The following BCL2L1 variants were observed in gnomAD, a reference collection of about 807,000 sequenced individuals.
BCL2L1 encodes bcl-2-like protein 1.
In BCL2L1, 1 loss-of-function variant was observed where a neutral mutation model predicts 18.7. The observed-to-expected ratio is 0.05, with a 90% confidence interval of 0.02 to 0.25. The LOEUF is 0.25. BCL2L1 is among the 10% of genes least tolerant of loss of function. The pLI is 1.00. For missense variants in BCL2L1, 207 were observed against 304.9 expected (o/e 0.68, Z 2.39); for synonymous variants, 103 against 122.7 (o/e 0.84, Z 1.06).
In BCL2L1 at chr20:31,720,571, T is replaced by C. The variant is rs905717035; in HGVS notation, c.564+1084A>G. ...CCACCATCTCATCCTGGCTCAGTGA[T>C]GGGCAGGAGAACTCTCCCTCCCTGG... On this transcript the variant is annotated intron_variant, in intron 2 of 2. Transcript: ENST00000307677. 4.1e-6 allele frequency: 4 copies of C among 985,322 alleles called. No homozygotes were observed. In the African/African-American group the frequency reaches 5.2e-5, roughly 13 times the overall value. The allele number at this position is 985,322 out of a possible 1,614,324, so 61.0% of individuals were successfully genotyped here. A position where few individuals can be genotyped will look rare whatever the true frequency, so the allele number is the denominator to read the frequency against.
At position 31,691,152 on chromosome 20, in the gene BCL2L1, C is replaced by CAAA. The variant is rs539012918; in HGVS notation, c.565-25069_565-25067dup. ...TGGGCAACAGGGCGAGACTCTGTCT[C>CAAA]AAAAAAAAAAAAAAAAAAAAAAAAA... On this transcript the variant is annotated intron_variant, in intron 2 of 2. Transcript: ENST00000307677. Among the ~76,000 whole-genome samples the CAAA allele has an allele frequency of 4.8e-4, 12 of 24,838 alleles. 2 individuals carry two copies. The highest frequency in any genetic ancestry group is 8.6e-4 in the Admixed American group (1 of 1,158). The allele number at this position is 24,838 out of a possible 152,430, so 16.3% of individuals were successfully genotyped here.
At position 31,664,499 on chromosome 20, in the gene BCL2L1, C is replaced by A. The variant is rs527346866; in HGVS notation, c.*1450G>T. Reference sequence around the variant, plus strand: ...AGTTTATTACTGAACTGCACTTTCACCTTCACACAGACTATTTCAAAGAGC... The same window carrying A: ...AGTTTATTACTGAACTGCACTTTCAACTTCACACAGACTATTTCAAAGAGC... On this transcript the variant is annotated 3_prime_UTR_variant, in exon 3 of 3. Coordinates refer to ENST00000307677, the MANE Select transcript of BCL2L1 (RefSeq NM_138578.3). 1.5e-4 allele frequency: 27 copies of A among 181,896 alleles called. No homozygotes were observed. Among genetic ancestry groups the A allele is most frequent in the African/African-American group, 6.3e-4 (27 of 42,526 alleles). 11.3% of individuals were successfully genotyped at this position (181,896 alleles called of 1,614,324 possible).
chr20:31,705,386 TA>T (rs995448840), intron 2 of BCL2L1, among the ~76,000 whole-genome samples: 2 of 152,118 alleles, frequency 1.3e-5, no homozygotes, highest in African/African-American at 4.8e-5. Flanking sequence ...ATTTTTCAGA[TA>T]GGGGGACTGA....
At chr20:31,709,752 G>A (rs546916122) in intron 2 of BCL2L1, among the ~76,000 whole-genome samples, 4 of 148,356 alleles carry the variant, frequency 2.7e-5, no homozygotes, top group East Asian at 4.2e-4. Context: ...GGAGAATGGC[G>A]TCAACCTGGG....
chr20:31,683,534 C>T (rs922451461), intron 2 of BCL2L1, among the ~76,000 whole-genome samples: 1 of 152,070 alleles, frequency 6.6e-6, no homozygotes, highest in Admixed American at 6.6e-5. Flanking sequence ...TCTGGGAGAA[C>T]GAGGCAGGTG....
rs754323913 is a variant in BCL2L1 at position 31,721,766 on chromosome 20, G to A, written c.453C>T (p.Cys151=). The A allele has an allele frequency of 2.7e-5, 43 of 1,614,018 alleles. No homozygotes were observed. Among genetic ancestry groups the A allele is most frequent in the East Asian group, 2.2e-4 (10 of 44,868 alleles). The change falls in exon 2 of 3, where the codon TGC becomes TGT. Residue 151 remains cysteine (C), a synonymous_variant. Transcript: ENST00000307677. The stretch of plus-strand genomic sequence containing the variant: ...GCATCTCCTTGTCTACGCTTTCCAC[G>A]CACAGTGCCCCGCCGAAGGAGAAAA... The part of the protein sequence containing the change: ...VAFFSFGGAL[C]VESVDKEMQV...
chr20:31,709,683 A>C (rs945953373), intron 2 of BCL2L1, among the ~76,000 whole-genome samples: 1 of 151,642 alleles, frequency 6.6e-6, no homozygotes, highest in Non-Finnish European at 1.5e-5. Context: ...AATACAAAAA[A>C]AATTAGCCGG....
chr20:31,687,066 C>T (rs1342478722), intron 2 of BCL2L1, among the ~76,000 whole-genome samples: 1 of 152,128 alleles, frequency 6.6e-6, no homozygotes, highest in Non-Finnish European at 1.5e-5. Flanking sequence ...ACCTGTAATC[C>T]CAGAACTTTG....
At chr20:31,697,026 G>A (rs1460280775) in intron 2 of BCL2L1, among the ~76,000 whole-genome samples, 3 of 148,796 alleles carry the variant, frequency 2.0e-5, no homozygotes, top group Non-Finnish European at 3.0e-5. Flanking sequence ...ACTCCAGCCT[G>A]GGCAACAGAG....
intron 2 of BCL2L1, among the ~76,000 whole-genome samples, chr20:31,706,702 A>T (rs2061373426): frequency 6.6e-6 from 1 of 152,236 alleles, no homozygotes. Flanking sequence ...TATTGCTTCT[A>T]CTCAAAAAAT....
At chr20:31,704,924 T>C (rs777425441) in intron 2 of BCL2L1, among the ~76,000 whole-genome samples, 8 of 152,236 alleles carry the variant, frequency 5.3e-5, no homozygotes, top group Non-Finnish European at 7.3e-5. Flanking sequence ...TTATGAGTAT[T>C]ATGTTGGTCT....
intron 2 of BCL2L1, among the ~76,000 whole-genome samples, chr20:31,712,370 A>C (rs2061467356): frequency 6.6e-6 from 1 of 152,244 alleles, no homozygotes; most frequent in African/African-American, 2.4e-5. Flanking sequence ...AAACAGGGAT[A>C]AAAGAACCTA....
intron 2 of BCL2L1, among the ~76,000 whole-genome samples, chr20:31,715,271 CAAAAAAA>C (rs567772766): frequency 1.1e-5 from 1 of 92,970 alleles, no homozygotes. Flanking sequence ...GACTCTGTCT[CAAAAAAA>C]AAAAAAAAAG....
At chr20:31,714,526 A>G (rs939701353) in intron 2 of BCL2L1, among the ~76,000 whole-genome samples, 1 of 152,204 alleles carries the variant, frequency 6.6e-6, no homozygotes, top group Non-Finnish European at 1.5e-5. Context: ...TGATACCAAC[A>G]TGGCTCCAGT....
At chr20:31,693,178 A>C (rs565345887) in intron 2 of BCL2L1, among the ~76,000 whole-genome samples, 69 of 150,778 alleles carry the variant, frequency 4.6e-4, no homozygotes, top group African/African-American at 1.6e-3. Context: ...AAAAAAAAAA[A>C]AAAAGGTAGC....
At chr20:31,671,236 G>A (rs1229788649) in intron 2 of BCL2L1, among the ~76,000 whole-genome samples, 1 of 152,050 alleles carries the variant, frequency 6.6e-6, no homozygotes, top group Non-Finnish European at 1.5e-5. Context: ...CCCATTCTAC[G>A]TTTCCACTGC....
chr20:31,695,329 G>C (rs1361104163), intron 2 of BCL2L1, among the ~76,000 whole-genome samples: 1 of 152,182 alleles, frequency 6.6e-6, no homozygotes, highest in Non-Finnish European at 1.5e-5. Context: ...CTTAAAGCAA[G>C]GTCCCATGTG....
rs1042850325 is a variant in BCL2L1 at position 31,722,801 on chromosome 20, G to A, written c.-314C>T. The A allele has an allele frequency of 6.6e-6, 1 of 152,210 alleles. No individual in the cohort carries two copies. The highest frequency in any genetic ancestry group is 2.4e-5 in the African/African-American group (1 of 41,454). The allele number at this position is 152,210 out of a possible 1,614,324, so 9.4% of individuals were successfully genotyped here. A position where few individuals can be genotyped will look rare whatever the true frequency, so the allele number is the denominator to read the frequency against. Reference sequence around the variant, plus strand: ...CCGGCAGGCTGGGAGCCCAGAAGGCGACACAGGAATTGCGAAGCTCAGGAA... The same window carrying A: ...CCGGCAGGCTGGGAGCCCAGAAGGCAACACAGGAATTGCGAAGCTCAGGAA... On this transcript the variant is annotated 5_prime_UTR_variant, in exon 1 of 3. Transcript: ENST00000307677.
intron 2 of BCL2L1, among the ~76,000 whole-genome samples, chr20:31,677,601 CTAG>C (rs2060784700): frequency 1.3e-5 from 2 of 152,316 alleles, no homozygotes; most frequent in South Asian, 4.1e-4. Context: ...ATTGTTCTTA[CTAG>C]TAGACCATGG....
Sources: allele counts gnomAD v4.1 joint callset (sites outside exome capture counted in the v4.1 genomes callset), GRCh38; gene constraint gnomAD v4.1.1; transcripts MANE v1.5; gene names NCBI Gene and HGNC (gene_info 2026-07-23, HGNC 2026-07-21).